The following CALN1 variants were observed in gnomAD, a reference collection of about 807,000 sequenced individuals.
CALN1 encodes the protein calneuron 1.
In CALN1, 17 loss-of-function variants were observed where a neutral mutation model predicts 30.6. The observed-to-expected ratio is 0.56, with a 90% confidence interval of 0.38 to 0.83. CALN1 has a LOEUF of 0.83. Ranked by LOEUF, CALN1 falls within the 40% of genes least tolerant of loss-of-function variation. The pLI, the probability that CALN1 is intolerant of heterozygous loss-of-function variation, is 0.00. For synonymous variants in CALN1, 156 were observed against 131.4 expected, an observed-to-expected ratio of 1.19 and a Z score of -1.28; for missense variants, 291 against 354.9, an observed-to-expected ratio of 0.82 and a Z score of 1.45.
intron 5 of CALN1, among the ~76,000 whole-genome samples, chr7:71,881,851 T>C (rs914480132): frequency 3.3e-5 from 5 of 151,408 alleles, no homozygotes; most frequent in African/African-American, 1.2e-4. Flanking sequence ...GGTGGGAGGA[T>C]TGCTTGAGGC....
rs1019239132 is a variant in CALN1, at chr7:71,781,977, G to C, written c.*5798C>G. The C allele has an allele frequency of 2.0e-5, 3 of 152,214 alleles. No individual in the cohort carries two copies. Among genetic ancestry groups the C allele is most frequent in the Non-Finnish European group, 4.4e-5 (3 of 68,046 alleles). 9.4% of individuals were successfully genotyped at this position (152,214 alleles called of 1,614,324 possible). On this transcript the variant is annotated 3_prime_UTR_variant, in exon 7 of 7. Transcript: ENST00000395275. The stretch of plus-strand genomic sequence containing the variant: ...GAGACGTTTTGAACAGTATTGTCAT[G>C]TCTCTCGAGACCCTATGAAGAGTCC...
chr7:72,408,120 G>T (rs1465864038), intron 1 of CALN1, among the ~76,000 whole-genome samples: 1 of 151,906 alleles, frequency 6.6e-6, no homozygotes, highest in African/African-American at 2.4e-5. Context: ...AGTTCCCTTT[G>T]GTTCCATATT....
intron 2 of CALN1, among the ~76,000 whole-genome samples, chr7:72,390,451 A>G (rs1258566088): frequency 6.6e-6 from 1 of 152,212 alleles, no homozygotes; most frequent in African/African-American, 2.4e-5. Flanking sequence ...AATTAAAAAA[A>G]TAAATGAGAG....
intron 3 of CALN1, among the ~76,000 whole-genome samples, chr7:72,246,234 C>G (rs1795149520): frequency 6.6e-6 from 1 of 152,180 alleles, no homozygotes; most frequent in Non-Finnish European, 1.5e-5. Context: ...TTTCCTCTCT[C>G]AGATAGAACT....
chr7:72,295,028 G>T (rs1798756487), intron 2 of CALN1, among the ~76,000 whole-genome samples: 1 of 140,336 alleles, frequency 7.1e-6, no homozygotes, highest in East Asian at 2.2e-4. Flanking sequence ...TTGAATTTAA[G>T]TAGAGACAAT....
chr7:72,305,612 T>G (rs1799594583), intron 2 of CALN1, among the ~76,000 whole-genome samples: 1 of 152,152 alleles, frequency 6.6e-6, no homozygotes, highest in South Asian at 2.1e-4. Flanking sequence ...AGGTCAGGGA[T>G]TATTTGATCT....
At chr7:71,953,630 G>A (rs1796810061) in intron 5 of CALN1, among the ~76,000 whole-genome samples, 1 of 152,132 alleles carries the variant, frequency 6.6e-6, no homozygotes, top group Non-Finnish European at 1.5e-5. Context: ...TGAGATGTGT[G>A]TAAAAGTGTT....
intron 3 of CALN1, among the ~76,000 whole-genome samples, chr7:72,200,125 G>A (rs1037346367): frequency 2.0e-5 from 3 of 152,000 alleles, no homozygotes; most frequent in Non-Finnish European, 4.4e-5. Flanking sequence ...TTGATGCCCC[G>A]ACAAATCAAC....
intron 2 of CALN1, among the ~76,000 whole-genome samples, chr7:72,351,290 C>T (rs1008326624): frequency 1.3e-5 from 2 of 151,878 alleles, no homozygotes; most frequent in Non-Finnish European, 2.9e-5. Context: ...ATCACTTGAG[C>T]CCAGGAGTTC....
intron 4 of CALN1, among the ~76,000 whole-genome samples, chr7:72,071,416 G>A (rs1291962247): frequency 1.3e-5 from 2 of 151,848 alleles, no homozygotes; most frequent in South Asian, 2.1e-4. Context: ...ATTTTCCCCC[G>A]TTTCATTTTT....
chr7:71,981,550 A>G (rs1389193447), intron 5 of CALN1, among the ~76,000 whole-genome samples: 1 of 152,162 alleles, frequency 6.6e-6, no homozygotes, highest in East Asian at 1.9e-4. Flanking sequence ...ACTACTCAGG[A>G]GGATGAGGCA....
intron 3 of CALN1, among the ~76,000 whole-genome samples, chr7:72,144,705 T>C (rs1455886599): frequency 3.3e-5 from 5 of 152,240 alleles, no homozygotes; most frequent in East Asian, 1.9e-4. Context: ...TACTCCAAAA[T>C]TGACCACATA....
chr7:72,039,831 G>A (rs1466676123), intron 4 of CALN1, among the ~76,000 whole-genome samples: 1 of 152,100 alleles, frequency 6.6e-6, no homozygotes, highest in Non-Finnish European at 1.5e-5. Context: ...AGCACTCTAG[G>A]AGGTCCTGAA....
chr7:72,485,666 T>A, the CALN1 span, among the ~76,000 whole-genome samples: 1 of 150,850 alleles, frequency 6.6e-6, no homozygotes, highest in Non-Finnish European at 1.5e-5. Flanking sequence ...AGATCAGGAG[T>A]TCAAGACCAG....
intron 1 of CALN1, among the ~76,000 whole-genome samples, chr7:72,436,814 T>C (rs1291108686): frequency 6.6e-6 from 1 of 152,160 alleles, no homozygotes; most frequent in Non-Finnish European, 1.5e-5. Context: ...CCAGCCCTAC[T>C]GAATCAGAAA....
the CALN1 span, among the ~76,000 whole-genome samples, chr7:72,488,787 C>T: frequency 6.6e-6 from 1 of 152,124 alleles, no homozygotes; most frequent in Non-Finnish European, 1.5e-5. Context: ...GGGATCAACC[C>T]ATCCTCCCTC....
intron 3 of CALN1, among the ~76,000 whole-genome samples, chr7:72,205,892 A>G (rs1791841211): frequency 6.6e-6 from 1 of 152,044 alleles, no homozygotes; most frequent in Non-Finnish European, 1.5e-5. Flanking sequence ...ATCTTCCCAA[A>G]TATTAATACA....
At chr7:72,452,880 G>A in the CALN1 span, among the ~76,000 whole-genome samples, 1 of 152,126 alleles carries the variant, frequency 6.6e-6, no homozygotes, top group Non-Finnish European at 1.5e-5. Context: ...CAGAGACTCT[G>A]CAATGTGGGG....
chr7:71,838,951 G>A (rs1789775263), intron 5 of CALN1, among the ~76,000 whole-genome samples: 1 of 152,052 alleles, frequency 6.6e-6, no homozygotes, highest in African/African-American at 2.4e-5. Flanking sequence ...AGCAGCATGA[G>A]AACTGACTAA....
Sources: allele counts gnomAD v4.1 joint callset (sites outside exome capture counted in the v4.1 genomes callset), GRCh38; gene constraint gnomAD v4.1.1; transcripts MANE v1.5; gene names NCBI Gene and HGNC (gene_info 2026-07-23, HGNC 2026-07-21).